Variants in CUX2 observed in about 807,000 individuals in gnomAD.
The protein encoded by CUX2 is homeobox protein cut-like 2.
A neutral mutation model predicts 144.8 loss-of-function variants in CUX2; 40 were observed. That is an observed-to-expected ratio of 0.28 (90% CI 0.21 to 0.36). CUX2 has a LOEUF of 0.36. Among genes scored for constraint, CUX2 ranks in the 10% least tolerant of loss-of-function variants. CUX2 has a pLI of 1.00. For synonymous variants in CUX2, 827 were observed against 875.6 expected, an observed-to-expected ratio of 0.94 and a Z score of 0.98; for missense variants, 1,615 against 1,994.0, an observed-to-expected ratio of 0.81 and a Z score of 3.62.
intron 3 of CUX2, among the ~76,000 whole-genome samples, chr12:111,233,354 G>A (rs1251798528): frequency 6.6e-6 from 1 of 152,144 alleles, no homozygotes; most frequent in Admixed American, 6.5e-5. Flanking sequence ...AGTCCACACT[G>A]CAACAGACAA....
At position 111,160,898 on chromosome 12, in the gene CUX2, G is replaced by C. The variant is rs1331502875; in HGVS notation, c.64-53302G>C. ...GGACTCCGTGCCGCTTCCTGCCATG[G>C]GGAAGATGCAGGGAGGAATAGCGGG... On this transcript the variant is annotated intron_variant, in intron 1 of 21. Coordinates refer to ENST00000261726, the MANE Select transcript of CUX2 (RefSeq NM_015267.4). This position sits in a 1 kb window ranked among gnomAD's most constrained non-coding sequence, Gnocchi z 4.1. Among the ~76,000 whole-genome samples the C allele has an allele frequency of 2.0e-5, 3 of 152,184 alleles. No homozygotes were observed. Among genetic ancestry groups the C allele is most frequent in the Non-Finnish European group, 4.4e-5 (3 of 68,022 alleles).
chr12:111,346,297 GA>G (rs1358469488), intron 21 of CUX2, among the ~76,000 whole-genome samples: 1 of 151,974 alleles, frequency 6.6e-6, no homozygotes, highest in Non-Finnish European at 1.5e-5. Context: ...CCAACATGGT[GA>G]AACCCTGCCT....
chr12:111,238,878 C>T (rs1254007547), intron 3 of CUX2, among the ~76,000 whole-genome samples: 1 of 152,152 alleles, frequency 6.6e-6, no homozygotes, highest in Non-Finnish European at 1.5e-5. Flanking sequence ...AACTCTGTCT[C>T]TACTAAAAAT....
intron 18 of CUX2, among the ~76,000 whole-genome samples, 172 bp from the exon 19 acceptor site, chr12:111,334,269 C>T (rs1199545548): frequency 6.6e-6 from 1 of 152,010 alleles, no homozygotes. Flanking sequence ...CCTCATCAAA[C>T]TTTCATCCAC....
intron 1 of CUX2, among the ~76,000 whole-genome samples, chr12:111,093,973 C>T (rs1390960982): frequency 6.6e-6 from 1 of 152,152 alleles, no homozygotes; most frequent in African/African-American, 2.4e-5. Flanking sequence ...TATAGTCGTT[C>T]GCGCCAGCAA....
At chr12:111,107,079 G>A (rs772764523) in intron 1 of CUX2, among the ~76,000 whole-genome samples, 7 of 152,196 alleles carry the variant, frequency 4.6e-5, no homozygotes, top group South Asian at 2.1e-4. Context: ...CAGGCATTGC[G>A]TTAACTTATA....
In CUX2 at chr12:111,310,703, GT is replaced by G; in HGVS notation, c.1900+22del. 2.6e-6 allele frequency: 4 copies of G among 1,561,836 alleles called. No homozygotes were observed. Among genetic ancestry groups the G allele is most frequent in the Non-Finnish European group, 3.5e-6 (4 of 1,148,944 alleles). ...GCGAGGTGAGTGCCCAAGAGGGCCC[GT>G]CCCCGCTGGCCACCACGCCAGGTCC... On this transcript the variant is annotated intron_variant, in intron 15 of 21. Transcript: ENST00000261726. This position sits in a 1 kb window ranked among gnomAD's most constrained non-coding sequence, Gnocchi z 7.9.
At chr12:111,166,036 A>G (rs995739266) in intron 1 of CUX2, among the ~76,000 whole-genome samples, 1 of 151,946 alleles carries the variant, frequency 6.6e-6, no homozygotes, top group Non-Finnish European at 1.5e-5. Context: ...TGTTGTTTTT[A>G]TAGACTGGGT....
At chr12:111,275,891 A>G (rs2136307771) in intron 4 of CUX2, among the ~76,000 whole-genome samples, 1 of 152,294 alleles carries the variant, frequency 6.6e-6, no homozygotes. Context: ...GGCAGGCCAC[A>G]GGGTCTAACG....
chr12:111,210,284 C>T (rs1565850470), intron 1 of CUX2, among the ~76,000 whole-genome samples: 2 of 152,068 alleles, frequency 1.3e-5, no homozygotes, highest in African/African-American at 2.4e-5. Flanking sequence ...TGTCATTGGC[C>T]CTCTTGCTTT....
Position 111,263,692 on chromosome 12 carries a change from ATG to A in CUX2, c.223-68_223-67del. On this transcript the variant is annotated intron_variant, in intron 3 of 21. Coordinates refer to ENST00000261726, the MANE Select transcript of CUX2 (RefSeq NM_015267.4). This position sits in a 1 kb window ranked among gnomAD's most constrained non-coding sequence, Gnocchi z 4.0. The stretch of plus-strand genomic sequence containing the variant: ...AGATGTTTTCTTGTGGAAAAAAAAA[ATG>A]ATGAAATTTGCTTGCAGACACAGAT... The A allele has an allele frequency of 8.3e-7, 1 of 1,202,964 alleles. No individual in the cohort carries two copies. Among genetic ancestry groups the A allele is most frequent in the Non-Finnish European group, 1.2e-6 (1 of 827,234 alleles). The allele number at this position is 1,202,964 out of a possible 1,614,324, so 74.5% of individuals were successfully genotyped here. A position where few individuals can be genotyped will look rare whatever the true frequency, so the allele number is the denominator to read the frequency against.
chr12:111,168,044 A>C (rs1284498875), intron 1 of CUX2, among the ~76,000 whole-genome samples: 1 of 152,092 alleles, frequency 6.6e-6, no homozygotes, highest in Admixed American at 6.6e-5. Context: ...AGGCACAGAG[A>C]GATCACCTAG....
At chr12:111,323,527 C>G (rs1384578849) in intron 18 of CUX2, among the ~76,000 whole-genome samples, 1 of 152,218 alleles carries the variant, frequency 6.6e-6, no homozygotes, top group African/African-American at 2.4e-5. Flanking sequence ...CATGGGGGCT[C>G]ACGCCTGTAA....
chr12:111,118,393 T>TG (rs1874425093), intron 1 of CUX2, among the ~76,000 whole-genome samples: 1 of 152,208 alleles, frequency 6.6e-6, no homozygotes, highest in South Asian at 2.1e-4. Context: ...CATCTCTCCC[T>TG]AGCTGTGCGC....
intron 16 of CUX2, among the ~76,000 whole-genome samples, chr12:111,314,660 AAAAAAAAAC>A (rs532651317): frequency 0.074 from 6,321 of 85,942 alleles, 770 homozygotes; most frequent in African/African-American, 0.33. Flanking sequence ...AAAAAAAAAA[AAAAAAAAAC>A]CCCATCTCCT....
chr12:111,276,809 G>A (rs745806664), intron 4 of CUX2, among the ~76,000 whole-genome samples: 14 of 152,118 alleles, frequency 9.2e-5, no homozygotes, highest in South Asian at 2.1e-4. Context: ...CACCATGCCC[G>A]GCTAATTTTT....
Position 111,267,195 on chromosome 12 carries a change from C to CA in CUX2, c.301+3378dup, listed in dbSNP as rs11290695. ...CCTGGGTGACAGAGCAAGACCCTGT[C>CA]AAAAAAAAAAAAAAAAAAAAAAGAA... On this transcript the variant is annotated intron_variant, in intron 4 of 21. Transcript: ENST00000261726. Among the ~76,000 whole-genome samples, 346 of 65,852 alleles carry CA rather than the reference C, an allele frequency of 5.3e-3. 4 individuals carry two copies. Among genetic ancestry groups the CA allele is most frequent in the South Asian group, 0.021 (43 of 2,086 alleles). 43.2% of individuals were successfully genotyped at this position (65,852 alleles called of 152,430 possible). A position where few individuals can be genotyped will look rare whatever the true frequency, so the allele number is the denominator to read the frequency against.
chr12:111,124,431 T>C (rs1213809170), intron 1 of CUX2, among the ~76,000 whole-genome samples: 1 of 152,256 alleles, frequency 6.6e-6, no homozygotes, highest in African/African-American at 2.4e-5. Context: ...TGGATTCTTC[T>C]TGGCCTCCGT....
chr12:111,328,592 G>GTGTGTT (rs1887929215), intron 18 of CUX2, among the ~76,000 whole-genome samples: 1 of 150,784 alleles, frequency 6.6e-6, no homozygotes, highest in East Asian at 2.0e-4. Context: ...GTGTGTGTGT[G>GTGTGTT]TGTGTGTGTG....
Sources: gnomAD v4.1 joint callset for allele counts (sites outside exome capture counted in the v4.1 genomes callset) on GRCh38, gnomAD v4.1.1 for gene constraint, Gnocchi (gnomAD v3.1) non-coding constraint, MANE v1.5 for transcripts, NCBI Gene and HGNC (gene_info 2026-07-23, HGNC 2026-07-21) for gene names.